The following ELP1 variants were observed in gnomAD, a reference collection of about 807,000 sequenced individuals.
ELP1 encodes the protein elongator acetyltransferase complex subunit 1.
ELP1 carries 131 observed loss-of-function variants against 183.2 expected under a neutral mutation model. The ratio of observed to expected loss-of-function variants is 0.72; its 90% confidence interval spans 0.62 to 0.83. ELP1 has a LOEUF of 0.83. Ranked by LOEUF, ELP1 falls within the 40% of genes least tolerant of loss-of-function variation. The pLI is 0.00. For synonymous variants in ELP1, 555 were observed against 569.0 expected, an observed-to-expected ratio of 0.98 and a Z score of 0.35; for missense variants, 1,550 against 1,594.9, an observed-to-expected ratio of 0.97 and a Z score of 0.48.
rs73654153 is a variant in ELP1 at position 108,909,217 on chromosome 9, A to C, written c.1361-813T>G. Among the ~76,000 whole-genome samples, 463 of 152,182 alleles carry C rather than the reference A, an allele frequency of 3.0e-3. 1 individual carries two copies. Among genetic ancestry groups the C allele is most frequent in the African/African-American group, 0.011 (448 of 41,518 alleles). On this transcript the variant is annotated intron_variant, in intron 12 of 36. Coordinates refer to ENST00000374647, the MANE Select transcript of ELP1 (RefSeq NM_003640.5). ...GCTCTCCCTACCCCTTATTTTGCTT[A>C]ATTTTTCTCCACAGCACTTGCCATC...
chr9:108,922,168 T>A (rs1829669240), intron 6 of ELP1, among the ~76,000 whole-genome samples: 1 of 152,218 alleles, frequency 6.6e-6, no homozygotes, highest in Non-Finnish European at 1.5e-5. Context: ...TCAAGGGTAA[T>A]ACTTTTCAAT....
intron 4 of ELP1, 121 bp from the exon 5 acceptor site, chr9:108,926,724 T>A (rs1356585329): frequency 1.2e-5 from 9 of 738,802 alleles, no homozygotes; most frequent in Non-Finnish European, 2.1e-5. Context: ...ACAGAATTCA[T>A]CCAAAATGCT....
Position 108,886,684 on chromosome 9 carries a change from AT to A in ELP1, c.3222+2647del, listed in dbSNP as rs1370634339. Among the ~76,000 whole-genome samples the A allele has an allele frequency of 2.0e-5, 3 of 152,276 alleles. No homozygotes were observed. In the East Asian group the frequency reaches 5.8e-4, roughly 29 times the overall value. The stretch of plus-strand genomic sequence containing the variant: ...AAACCAAGAGGGCAGGAATTGGCAA[AT>A]TTTTCCTGTAAAAGATTAGACAGTA... On this transcript the variant is annotated intron_variant, in intron 29 of 36. Coordinates refer to ENST00000374647, the MANE Select transcript of ELP1 (RefSeq NM_003640.5).
chr9:108,891,284 T>C lies in ELP1; in HGVS notation c.3079A>G (p.Asn1027Asp), dbSNP rs778943416. 15 of 1,614,234 alleles carry C rather than the reference T, an allele frequency of 9.3e-6. No homozygotes were observed. Among genetic ancestry groups the C allele is most frequent in the Non-Finnish European group, 1.3e-5 (15 of 1,180,036 alleles). ...GCCACACAGAGGGCTTGCTTCCAGT[T>C]GCCACATGTCAGAAAGGCTGAGAGA... ...KALSAFLTCGNWKQALCVAAQ... is the reference protein window; with the variant it reads ...KALSAFLTCGDWKQALCVAAQ... Residue 1027 changes from asparagine to aspartate, a missense_variant, in exon 28 of 37, where the codon AAC becomes GAC. Physicochemically the swap from Asn to Asp is conservative, Grantham distance 23 (BLOSUM62 1). Coordinates refer to ENST00000374647, the MANE Select transcript of ELP1 (RefSeq NM_003640.5).
intron 13 of ELP1, among the ~76,000 whole-genome samples, chr9:108,907,281 G>T (rs1402004820): frequency 6.6e-6 from 1 of 151,946 alleles, no homozygotes; most frequent in Non-Finnish European, 1.5e-5. Context: ...CAGACGAATT[G>T]GCATTATCCC....
At chr9:108,906,509 C>A in intron 13 of ELP1, 24 bp from the exon 14 acceptor site, 1 of 1,598,932 alleles carries the variant, frequency 6.3e-7, no homozygotes, top group Middle Eastern at 1.7e-4. Context: ...TGAAGAATAT[C>A]CAAGACATGA....
At chr9:108,910,739 T>C (rs764525721) in intron 12 of ELP1, among the ~76,000 whole-genome samples, 1 of 152,010 alleles carries the variant, frequency 6.6e-6, no homozygotes. Context: ...TAACATACTA[T>C]GTTATTTCCA....
intron 12 of ELP1, among the ~76,000 whole-genome samples, chr9:108,909,983 A>G (rs1829153806): frequency 6.6e-6 from 1 of 152,206 alleles, no homozygotes; most frequent in South Asian, 2.1e-4. Context: ...ACACATATAA[A>G]CCATTGAATT....
At position 108,922,884 on chromosome 9, in the gene ELP1, G is replaced by T; in HGVS notation, c.510C>A (p.Phe170Leu). ...TVGWGRKETQ[F>L]HGSEGRQAAF... ...CTGCTTGTCTGCCTTCTGATCCATG[G>T]AACTGTGTCTCCTTCCTACCCCATC... The change falls in exon 6 of 37, where the codon TTC (phenylalanine) becomes TTA (leucine). Residue 170 changes from phenylalanine to leucine, a missense_variant. Transcript: ENST00000374647. The T allele has an allele frequency of 6.2e-7, 1 of 1,614,000 alleles. No individual in the cohort carries two copies. Among genetic ancestry groups the T allele is most frequent in the South Asian group, 1.1e-5 (1 of 91,074 alleles).
chr9:108,916,770 G>C (rs900513104), intron 9 of ELP1, among the ~76,000 whole-genome samples: 1 of 152,184 alleles, frequency 6.6e-6, no homozygotes, highest in African/African-American at 2.4e-5. Flanking sequence ...GATGAAAATA[G>C]TTTTGCAAAA....
Position 108,926,570 on chromosome 9 carries a change from A to G in ELP1, c.419T>C (p.Phe140Ser). 1 of 1,613,148 alleles carries G rather than the reference A, an allele frequency of 6.2e-7. No individual in the cohort carries two copies. Among genetic ancestry groups the G allele is most frequent in the African/African-American group, 1.3e-5 (1 of 75,028 alleles). The change falls in exon 5 of 37, where the codon TTT becomes TCT. Residue 140 changes from phenylalanine to serine, a missense_variant. Physicochemically the swap from Phe to Ser is radical, Grantham distance 155. Coordinates refer to ENST00000374647, the MANE Select transcript of ELP1 (RefSeq NM_003640.5). ...GATCTGCTGCTCCAGGATTGGCTCA[A>G]AATCTTTTGTCATCATAATCAGGGT... ...QQTLIMMTKDFEPILEQQIHQ... is the reference protein window; with the variant it reads ...QQTLIMMTKDSEPILEQQIHQ...
intron 29 of ELP1, among the ~76,000 whole-genome samples, 172 bp downstream of exon 29, chr9:108,889,160 G>A (rs111426603): frequency 1.3e-4 from 20 of 152,196 alleles, no homozygotes; most frequent in African/African-American, 4.8e-4. Flanking sequence ...ACTTAGAGAT[G>A]TACTAAATTT....
rs750475941 is a variant in ELP1, at chr9:108,922,936, CA to C, written c.467-10del. 7 of 1,602,248 alleles carry C rather than the reference CA, an allele frequency of 4.4e-6. No homozygotes were observed. The African/African-American group carries it at 9.4e-5, about 21-fold the overall frequency. ...AACAGTGATAAACTTGCCTACAGAACAATTGGCAAGACAACTAATAAGCCAC... is the reference window on the plus strand; with the variant it reads ...AACAGTGATAAACTTGCCTACAGAACATTGGCAAGACAACTAATAAGCCAC... On this transcript the variant is annotated splice_polypyrimidine_tract_variant and intron_variant, in intron 5 of 36. Transcript: ENST00000374647.
chr9:108,873,388 T>C (rs900454535), intron 36 of ELP1, among the ~76,000 whole-genome samples: 11 of 152,238 alleles, frequency 7.2e-5, no homozygotes, highest in Non-Finnish European at 1.5e-4. Context: ...ACTAATTTTG[T>C]GATTAGTTCA....
chr9:108,905,218 A>G (rs1828975046), intron 14 of ELP1, among the ~76,000 whole-genome samples: 1 of 152,244 alleles, frequency 6.6e-6, no homozygotes, highest in Non-Finnish European at 1.5e-5. Flanking sequence ...TGTAATGTAT[A>G]TATATAAAGG....
At chr9:108,924,774 A>G (rs1829773794) in intron 5 of ELP1, among the ~76,000 whole-genome samples, 1 of 152,114 alleles carries the variant, frequency 6.6e-6, no homozygotes, top group African/African-American at 2.4e-5. Flanking sequence ...CAACAAATCC[A>G]AAACAGATCT....
chr9:108,893,022 A>C lies in ELP1; in HGVS notation c.2922T>G (p.Ala974=). ...LIKDKNLYNE[A]LKLYSPSSQQ... Reference sequence around the variant, plus strand: ...GTGAGCTTGGTGAATATAACTTCAGAGCTTCGTTATACAAGTTTTTATCTT... The same window carrying C: ...GTGAGCTTGGTGAATATAACTTCAGCGCTTCGTTATACAAGTTTTTATCTT... Residue 974 remains alanine, a synonymous_variant, in exon 27 of 37, where the codon GCT becomes GCG. Transcript: ENST00000374647. 1 of 1,613,768 alleles carries C rather than the reference A, an allele frequency of 6.2e-7. No homozygotes were observed. Among genetic ancestry groups the C allele is most frequent in the Non-Finnish European group, 8.5e-7 (1 of 1,179,686 alleles).
intron 28 of ELP1, chr9:108,889,646 T>C (rs1477278057): frequency 1.8e-6 from 1 of 547,796 alleles, no homozygotes; most frequent in African/African-American, 1.9e-5. Flanking sequence ...GAAAATGACC[T>C]GGTATCTCTC....
chr9:108,891,542 A>T, intron 27 of ELP1, 138 bp from the exon 28 acceptor site: 1 of 765,350 alleles, frequency 1.3e-6, no homozygotes, highest in South Asian at 1.5e-5. Flanking sequence ...TTGATCAGTT[A>T]GTACAGTCAT....
Sources: gnomAD v4.1 joint callset for allele counts (sites outside exome capture counted in the v4.1 genomes callset) on GRCh38, gnomAD v4.1.1 for gene constraint, MANE v1.5 for transcripts, NCBI Gene and HGNC (gene_info 2026-07-23, HGNC 2026-07-21) for gene names.